The following ZBTB20 variants were observed in gnomAD, a reference collection of about 807,000 sequenced individuals.
ZBTB20 encodes the protein zinc finger and BTB domain containing 20, also known as zinc finger and BTB domain-containing protein 20.
ZBTB20 carries 9 observed loss-of-function variants against 56.9 expected under a neutral mutation model. The observed-to-expected ratio is 0.16, with a 90% CI of 0.10 to 0.28. The LOEUF is 0.28. Ranked by LOEUF, ZBTB20 falls within the 10% of genes least tolerant of loss-of-function variation. ZBTB20 has a pLI of 1.00. For missense variants in ZBTB20, 655 were observed against 1,003.0 expected (o/e 0.65, Z 4.69); for synonymous variants, 417 against 420.7 (o/e 0.99, Z 0.11).
At position 114,579,264 on chromosome 3, in the gene ZBTB20, G is replaced by T. The variant is rs139892636; in HGVS notation, c.-294-78873C>A. Among the ~76,000 whole-genome samples the T allele has an allele frequency of 9.0e-4, 136 of 151,554 alleles. 3 individuals are homozygous for T. The East Asian group carries it at 0.02, about 22-fold the overall frequency. On this transcript the variant is annotated intron_variant, in intron 6 of 11. Coordinates refer to ENST00000675478, the MANE Select transcript of ZBTB20 (RefSeq NM_001348800.3). Reference sequence around the variant, plus strand: ...AAAACACATCATTTTATTTTAATGCGTTTAAATTCAGAAATAAATAATAAA... The same window carrying T: ...AAAACACATCATTTTATTTTAATGCTTTTAAATTCAGAAATAAATAATAAA...
At chr3:114,407,152 C>G (rs2087418341) in intron 7 of ZBTB20, among the ~76,000 whole-genome samples, 1 of 152,184 alleles carries the variant, frequency 6.6e-6, no homozygotes, top group Non-Finnish European at 1.5e-5. Flanking sequence ...CCTCTAAATC[C>G]TCTCTGCTAA....
rs2078629978 is a variant in ZBTB20, at chr3:114,315,103, TCTCAAAACTATTGACCTG to T, written c.*23884_*23901del. The T allele has an allele frequency of 6.6e-6, 1 of 152,204 alleles. No homozygotes were observed. Among genetic ancestry groups the T allele is most frequent in the Non-Finnish European group, 1.5e-5 (1 of 68,042 alleles). 9.4% of individuals were successfully genotyped at this position (152,204 alleles called of 1,614,324 possible). ...GAGAAAAAAAAAGGAACAAACTCCC[TCTCAAAACTATTGACCTG>T]CTCATCCCAAACCATGTATATGTTG... On this transcript the variant is annotated 3_prime_UTR_variant, in exon 12 of 12. Transcript: ENST00000675478.
At chr3:114,368,000 C>G (rs2082600513) in intron 10 of ZBTB20, among the ~76,000 whole-genome samples, 1 of 152,180 alleles carries the variant, frequency 6.6e-6, no homozygotes, top group Non-Finnish European at 1.5e-5. Flanking sequence ...CCTGCAACAA[C>G]TTTCACTTAG....
intron 2 of ZBTB20, among the ~76,000 whole-genome samples, chr3:115,005,010 T>C (rs1244885918): frequency 6.6e-6 from 1 of 151,732 alleles, no homozygotes; most frequent in Admixed American, 6.6e-5. Flanking sequence ...TGTATGAGTG[T>C]GTGTATGTGT....
chr3:114,585,579 T>C (rs34503185), intron 6 of ZBTB20, among the ~76,000 whole-genome samples: 3,136 of 152,248 alleles, frequency 0.021, 105 homozygotes, highest in African/African-American at 0.071. Flanking sequence ...TGTATTCACA[T>C]TTATGTTTTA....
intron 5 of ZBTB20, among the ~76,000 whole-genome samples, chr3:114,718,468 C>T (rs2064667969): frequency 6.6e-6 from 1 of 152,086 alleles, no homozygotes; most frequent in Non-Finnish European, 1.5e-5. Flanking sequence ...GACTTACAAA[C>T]ATGAGTGGAG....
chr3:114,787,985 G>A (rs372181255), intron 5 of ZBTB20, among the ~76,000 whole-genome samples: 61 of 152,190 alleles, frequency 4.0e-4, no homozygotes, highest in African/African-American at 1.4e-3. Flanking sequence ...ATTACTGCCT[G>A]TTAATCAAGG....
intron 6 of ZBTB20, among the ~76,000 whole-genome samples, chr3:114,614,503 G>A (rs188634925): frequency 0.021 from 3,242 of 152,058 alleles, 111 homozygotes; most frequent in African/African-American, 0.074. Context: ...TAGGATGACT[G>A]TAAAATGCAG....
intron 6 of ZBTB20, among the ~76,000 whole-genome samples, chr3:114,544,764 C>G (rs1180271465): frequency 6.6e-6 from 1 of 152,062 alleles, no homozygotes; most frequent in Non-Finnish European, 1.5e-5. Context: ...CTTGGCCTCC[C>G]AAAGTGCTGG....
At chr3:114,540,972 C>T (rs912398789) in intron 6 of ZBTB20, among the ~76,000 whole-genome samples, 1 of 151,718 alleles carries the variant, frequency 6.6e-6, no homozygotes, top group Admixed American at 6.6e-5. Flanking sequence ...AATACTGAAC[C>T]CTAGGACTTT....
In ZBTB20 at chr3:114,882,282, G is replaced by C. The variant is rs531322416; in HGVS notation, c.-417+18022C>G. Among the ~76,000 whole-genome samples the C allele has an allele frequency of 1.9e-4, 29 of 151,992 alleles. No individual in the cohort carries two copies. The East Asian group carries it at 5.6e-3, about 29-fold the overall frequency. ...AATATCATTTTCACTTTTCTGATTA[G>C]GAAAAATTTGCTAAAGCCCAGTACT... On this transcript the variant is annotated intron_variant, in intron 4 of 11. Transcript: ENST00000675478.
chr3:114,807,127 G>A (rs938666395), intron 4 of ZBTB20, among the ~76,000 whole-genome samples: 1 of 151,810 alleles, frequency 6.6e-6, no homozygotes, highest in African/African-American at 2.4e-5. Context: ...CTGTAAAAAC[G>A]CCTTTATTCT....
intron 1 of ZBTB20, among the ~76,000 whole-genome samples, chr3:115,102,379 C>A (rs2083610108): frequency 6.6e-6 from 1 of 152,070 alleles, no homozygotes; most frequent in African/African-American, 2.4e-5. Flanking sequence ...TGCTTTTCTA[C>A]TATTGCCCTA....
chr3:114,592,881 C>T (rs908741566), intron 6 of ZBTB20, among the ~76,000 whole-genome samples: 16 of 152,132 alleles, frequency 1.1e-4, no homozygotes, highest in African/African-American at 3.6e-4. Flanking sequence ...CATTCACAAT[C>T]TATTCTACTC....
rs1015116510 is a variant in ZBTB20 at position 114,580,485 on chromosome 3, G to A, written c.-294-80094C>T. 2.0e-5 allele frequency among the ~76,000 whole-genome samples: 3 copies of A among 151,614 alleles called. No individual in the cohort carries two copies. The South Asian group carries it at 6.2e-4, about 31-fold the overall frequency. ...GACTATCCTATTCACACTATACTGA[G>A]GTTTAGTAATGCAATATGACAGGAA... On this transcript the variant is annotated intron_variant, in intron 6 of 11. Coordinates refer to ENST00000675478, the MANE Select transcript of ZBTB20 (RefSeq NM_001348800.3).
rs370107828 is a variant in ZBTB20 at position 114,753,384 on chromosome 3, CAT to C, written c.-343+47715_-343+47716del. ...ATAATGTATATATAATGTATATACA[CAT>C]ACATGTATGTATATATATACACACA... On this transcript the variant is annotated intron_variant, in intron 5 of 11. Transcript: ENST00000675478. 1.0e-2 allele frequency among the ~76,000 whole-genome samples: 1,376 copies of C among 137,976 alleles called. 351 individuals are homozygous for C. The highest frequency in any genetic ancestry group is 0.019 in the Middle Eastern group (5 of 264). 90.5% of individuals were successfully genotyped at this position (137,976 alleles called of 152,430 possible).
At chr3:114,654,492 A>G (rs77531040) in intron 6 of ZBTB20, among the ~76,000 whole-genome samples, 2,764 of 152,098 alleles carry the variant, frequency 0.018, 77 homozygotes, top group African/African-American at 0.062. Context: ...ATTTTGTAGT[A>G]TCTCAATCTT....
chr3:114,848,261 T>C (rs925692995), intron 4 of ZBTB20, among the ~76,000 whole-genome samples: 6 of 152,006 alleles, frequency 3.9e-5, no homozygotes, highest in African/African-American at 1.5e-4. Flanking sequence ...TCTGAACACA[T>C]GCGGGCAGGT....
chr3:114,824,286 A>C (rs1445570685), intron 4 of ZBTB20, among the ~76,000 whole-genome samples: 3 of 152,026 alleles, frequency 2.0e-5, no homozygotes, highest in Admixed American at 2.0e-4. Flanking sequence ...TATAGATCCC[A>C]AAAACCAATG....
Sources: gnomAD v4.1 joint callset for allele counts (sites outside exome capture counted in the v4.1 genomes callset) on GRCh38, gnomAD v4.1.1 for gene constraint, MANE v1.5 for transcripts, NCBI Gene and HGNC (gene_info 2026-07-23, HGNC 2026-07-21) for gene names.